Variants in NCOA2 observed in about 807,000 individuals in gnomAD.
NCOA2 encodes the protein nuclear receptor coactivator 2, also known as class E basic helix-loop-helix protein 75.
In NCOA2, 21 loss-of-function variants were observed where a neutral mutation model predicts 145.1. The ratio of observed to expected loss-of-function variants is 0.14; its 90% CI spans 0.10 to 0.21. NCOA2 has a LOEUF of 0.21. NCOA2 is among the 10% of genes least tolerant of loss of function. The probability of loss-of-function intolerance (pLI) is 1.00; values close to 1 mark genes in which losing one functional copy is unlikely to be tolerated. For missense variants in NCOA2, 1,472 were observed against 1,837.6 expected (o/e 0.80, Z 3.64); for synonymous variants, 619 against 637.5 (o/e 0.97, Z 0.44).
the NCOA2 span, among the ~76,000 whole-genome samples, chr8:70,428,411 AATCATGCCACTTCACTTC>A: frequency 0.067 from 10,259 of 152,050 alleles, 496 homozygotes; most frequent in Non-Finnish European, 0.11. Flanking sequence ...AGTAAGCTAT[AATCATGCCACTTCACTTC>A]ATCCTGGGCA....
rs575572939 is a variant in NCOA2, at chr8:70,263,660, C to T, written c.-20+33084G>A. Among the ~76,000 whole-genome samples the T allele has an allele frequency of 1.0e-3, 152 of 151,544 alleles. 2 individuals carry two copies. The highest frequency in any genetic ancestry group is 3.6e-3 in the African/African-American group (148 of 41,308). Reference sequence around the variant, plus strand: ...AGGAGAATGGCGTGAACCCGGGAGGCGGAGCTTGCAGTGAGCCGAGATCGC... The same window carrying T: ...AGGAGAATGGCGTGAACCCGGGAGGTGGAGCTTGCAGTGAGCCGAGATCGC... On this transcript the variant is annotated intron_variant, in intron 2 of 22. Transcript: ENST00000452400.
intron 4 of NCOA2, among the ~76,000 whole-genome samples, chr8:70,189,591 G>T (rs976522595): frequency 4.6e-5 from 7 of 152,170 alleles, no homozygotes; most frequent in African/African-American, 1.2e-4. Flanking sequence ...ATGGGACGAG[G>T]AATTTTACTC....
At chr8:70,343,515 G>C (rs1808329358) in intron 1 of NCOA2, among the ~76,000 whole-genome samples, 1 of 151,656 alleles carries the variant, frequency 6.6e-6, no homozygotes, top group South Asian at 2.1e-4. Flanking sequence ...TCAGAGTTAA[G>C]GAAAAGTGAA....
intron 4 of NCOA2, among the ~76,000 whole-genome samples, chr8:70,180,479 C>T (rs1012390885): frequency 6.6e-6 from 1 of 152,114 alleles, no homozygotes; most frequent in South Asian, 2.1e-4. Flanking sequence ...ATGAGTCATA[C>T]CACAAACTGG....
chr8:70,261,066 A>T (rs893064436), intron 2 of NCOA2, among the ~76,000 whole-genome samples: 4 of 152,214 alleles, frequency 2.6e-5, no homozygotes, highest in Non-Finnish European at 5.9e-5. Context: ...GATCTAGAAC[A>T]GGAAATACCA....
At chr8:70,436,409 G>A in the NCOA2 span, among the ~76,000 whole-genome samples, 1 of 152,190 alleles carries the variant, frequency 6.6e-6, no homozygotes, top group Non-Finnish European at 1.5e-5. Flanking sequence ...GGATCACACA[G>A]CATTCCTAGG....
chr8:70,132,036 GA>G, intron 15 of NCOA2, 34 bp from the exon 16 acceptor site: 1 of 1,593,126 alleles, frequency 6.3e-7, no homozygotes. Context: ...TGGGCCAATG[GA>G]AAAGCTAGTT....
chr8:70,331,637 C>A (rs550275135), intron 1 of NCOA2, among the ~76,000 whole-genome samples: 1 of 152,180 alleles, frequency 6.6e-6, no homozygotes, highest in East Asian at 1.9e-4. Flanking sequence ...CATTAAACTG[C>A]ATACGACCAG....
intron 7 of NCOA2, 54 bp from the exon 8 acceptor site, chr8:70,163,620 C>T: frequency 7.3e-7 from 1 of 1,365,096 alleles, no homozygotes; most frequent in Non-Finnish European, 1.0e-6. Flanking sequence ...GTGATTCAAA[C>T]AAACCCAAGT....
chr8:70,241,605 G>C, intron 2 of NCOA2, among the ~76,000 whole-genome samples: 1 of 152,062 alleles, frequency 6.6e-6, no homozygotes. Context: ...GAATAAATCA[G>C]CAAATCTAAC....
intron 1 of NCOA2, among the ~76,000 whole-genome samples, chr8:70,390,086 A>C (rs1201017245): frequency 6.6e-6 from 1 of 152,230 alleles, no homozygotes; most frequent in Non-Finnish European, 1.5e-5. Flanking sequence ...GACCAGTGTC[A>C]CTTTTCTTTC....
intron 20 of NCOA2, among the ~76,000 whole-genome samples, chr8:70,124,361 T>C (rs1275086327): frequency 2.2e-5 from 3 of 138,078 alleles, no homozygotes; most frequent in Non-Finnish European, 4.8e-5. Context: ...TTTCTTTCTG[T>C]TTTTTTTTTT....
chr8:70,227,868 T>C (rs943147374), intron 2 of NCOA2, among the ~76,000 whole-genome samples: 1 of 151,750 alleles, frequency 6.6e-6, no homozygotes, highest in Admixed American at 6.6e-5. Flanking sequence ...ACAAAAAAAT[T>C]AGCCGGGCAT....
chr8:70,451,505 A>G, the NCOA2 span, among the ~76,000 whole-genome samples: 12 of 151,784 alleles, frequency 7.9e-5, no homozygotes, highest in African/African-American at 1.2e-4. Flanking sequence ...TAGTACACAA[A>G]TCCTTTCATT....
intron 1 of NCOA2, among the ~76,000 whole-genome samples, chr8:70,317,788 A>C (rs914706212): frequency 5.3e-5 from 8 of 152,154 alleles, no homozygotes; most frequent in Non-Finnish European, 7.4e-5. Flanking sequence ...AGGCCAGCAC[A>C]GTGGCTCATA....
At chr8:70,389,090 C>A (rs1356017516) in intron 1 of NCOA2, among the ~76,000 whole-genome samples, 1 of 152,158 alleles carries the variant, frequency 6.6e-6, no homozygotes, top group Non-Finnish European at 1.5e-5. Context: ...TACTGTTTTA[C>A]AATAATATCA....
chr8:70,427,297 A>G, the NCOA2 span, among the ~76,000 whole-genome samples: 1 of 152,208 alleles, frequency 6.6e-6, no homozygotes, highest in African/African-American at 2.4e-5. Flanking sequence ...ATGAAAATTA[A>G]CTATGAATCT....
chr8:70,345,901 A>C (rs1808583387), intron 1 of NCOA2, among the ~76,000 whole-genome samples: 1 of 152,162 alleles, frequency 6.6e-6, no homozygotes, highest in African/African-American at 2.4e-5. Context: ...CCAGCACACC[A>C]AACAGGAACT....
At chr8:70,313,713 G>C (rs532707084) in intron 1 of NCOA2, among the ~76,000 whole-genome samples, 156 of 152,258 alleles carry the variant, frequency 1.0e-3, no homozygotes, top group Non-Finnish European at 1.7e-3. Flanking sequence ...AGGAATAGAA[G>C]TACTCAGTGT....
Sources: gnomAD v4.1 joint callset for allele counts (sites outside exome capture counted in the v4.1 genomes callset) on GRCh38, gnomAD v4.1.1 for gene constraint, MANE v1.5 for transcripts, NCBI Gene and HGNC (gene_info 2026-07-23, HGNC 2026-07-21) for gene names.